PCID2: variants seen among roughly 807,000 people sequenced by gnomAD.
The protein encoded by PCID2 is PCI domain containing 2.
Under a neutral mutation model 61.3 loss-of-function variants are expected in PCID2, and 41 were observed. That is an observed-to-expected ratio of 0.67 (90% CI 0.52 to 0.87). PCID2 has a LOEUF of 0.87. Ranked by LOEUF, PCID2 falls within the 40% of genes least tolerant of loss-of-function variation. The probability of loss-of-function intolerance (pLI) is 0.00; values close to 1 mark genes in which losing one functional copy is unlikely to be tolerated. For synonymous variants in PCID2, 187 were observed against 177.8 expected (o/e 1.05, Z -0.41); for missense variants, 392 against 493.4 (o/e 0.79, Z 1.95).
At chr13:113,170,530 T>C in the PCID2 span, 6 of 1,522,628 alleles carry the variant, frequency 3.9e-6, no homozygotes, top group Non-Finnish European at 5.5e-6. Flanking sequence ...TGTAAAAACA[T>C]GTAAGTATTT....
At chr13:113,196,725 A>T (rs922138848) in intron 4 of PCID2, among the ~76,000 whole-genome samples, 3 of 152,260 alleles carry the variant, frequency 2.0e-5, no homozygotes, top group Admixed American at 6.5e-5. Flanking sequence ...CTCAGGCCGT[A>T]ACTAAAGATA....
chr13:113,170,660 C>A, the PCID2 span: 1 of 675,182 alleles, frequency 1.5e-6, no homozygotes, highest in South Asian at 1.7e-5. Context: ...GTCAATAAAA[C>A]TGAGATACTT....
At chr13:113,192,769 C>T (rs975739312) in intron 6 of PCID2, among the ~76,000 whole-genome samples, 1 of 152,130 alleles carries the variant, frequency 6.6e-6, no homozygotes, top group Non-Finnish European at 1.5e-5. Context: ...GCTCAGTAAG[C>T]TAATATACTC....
chr13:113,175,306 T>C (rs2037169625), downstream of PCID2, among the ~76,000 whole-genome samples: 1 of 152,222 alleles, frequency 6.6e-6, no homozygotes, highest in South Asian at 2.1e-4. Flanking sequence ...TCCAATTACC[T>C]TAAAGTATCA....
rs771027041 is a variant in PCID2, at chr13:113,179,905, G to A, written c.986+12C>T. 2.5e-6 allele frequency: 4 copies of A among 1,608,894 alleles called. No homozygotes were observed. The highest frequency in any genetic ancestry group is 1.3e-5 in the African/African-American group (1 of 74,794). On this transcript the variant is annotated intron_variant, in intron 12 of 13. Coordinates refer to ENST00000337344, the MANE Select transcript of PCID2 (RefSeq NM_001127202.4). The surrounding 1 kb of genome is among the most constrained non-coding windows in gnomAD (Gnocchi z 4.3). Reference sequence around the variant, plus strand: ...CCACACTGGGAGCCCAATGTGCCGGGGAAATGCTTACACTTTCTTAAAGAG... The same window carrying A: ...CCACACTGGGAGCCCAATGTGCCGGAGAAATGCTTACACTTTCTTAAAGAG...
At chr13:113,203,353 A>C (rs2039571022) in intron 1 of PCID2, among the ~76,000 whole-genome samples, 2 of 152,228 alleles carry the variant, frequency 1.3e-5, no homozygotes, top group Admixed American at 1.3e-4. Flanking sequence ...ACATTTTCAA[A>C]GTCACAAATG....
At chr13:113,165,198 T>A in the PCID2 span, 1 of 1,458,686 alleles carries the variant, frequency 6.9e-7, no homozygotes, top group Non-Finnish European at 9.5e-7. Flanking sequence ...ATAGAAATGT[T>A]GACAACTAAG....
intron 9 of PCID2, among the ~76,000 whole-genome samples, chr13:113,183,102 G>A (rs532766230): frequency 1.2e-4 from 19 of 152,196 alleles, no homozygotes; most frequent in African/African-American, 3.9e-4. Context: ...AAATCTCTGC[G>A]AGCTACAAGG....
At chr13:113,176,475 A>T (rs2037187910), downstream of PCID2, among the ~76,000 whole-genome samples, 1 of 152,298 alleles carries the variant, frequency 6.6e-6, no homozygotes, top group Non-Finnish European at 1.5e-5. Flanking sequence ...TTATAAGAGG[A>T]AGAGAGCCGG....
downstream of PCID2, among the ~76,000 whole-genome samples, chr13:113,177,238 A>G (rs9549683): frequency 0.18 from 27,455 of 152,162 alleles, 3,022 homozygotes; most frequent in South Asian, 0.41. Flanking sequence ...CCCGGGTTCA[A>G]GCGATTCTCC....
chr13:113,184,144 G>T, intron 9 of PCID2: 1 of 460,090 alleles, frequency 2.2e-6, no homozygotes, highest in Non-Finnish European at 2.9e-6. Flanking sequence ...ACTCCAGCAT[G>T]CACTTCAGAG....
chr13:113,208,076 C>T (rs1271272824), intron 1 of PCID2: 2 of 1,612,732 alleles, frequency 1.2e-6, no homozygotes, highest in East Asian at 2.2e-5. Flanking sequence ...ATGAAGTGTG[C>T]ATTGTGCTCG....
At chr13:113,201,815 CAAAA>C in intron 1 of PCID2, among the ~76,000 whole-genome samples, 1 of 59,382 alleles carries the variant, frequency 1.7e-5, no homozygotes, top group African/African-American at 6.8e-5. Context: ...GACTCCGTCT[CAAAA>C]AAAAAAAAAA....
intron 9 of PCID2, 92 bp downstream of exon 9, chr13:113,184,254 A>C: frequency 1.7e-6 from 2 of 1,150,590 alleles, no homozygotes; most frequent in Non-Finnish European, 2.6e-6. Context: ...AATAAAATAC[A>C]GTAATTGTGT....
At chr13:113,200,571 G>T in intron 1 of PCID2, 55 bp from the exon 2 acceptor site, 1 of 1,172,506 alleles carries the variant, frequency 8.5e-7, no homozygotes, top group South Asian at 1.2e-5. Flanking sequence ...TGTTCGAATA[G>T]AACCTACAAC....
intron 6 of PCID2, among the ~76,000 whole-genome samples, chr13:113,193,656 T>C (rs2038785258): frequency 6.6e-6 from 1 of 152,242 alleles, no homozygotes; most frequent in Admixed American, 6.5e-5. Flanking sequence ...TTAAAATTTC[T>C]AATACAGTAA....
intron 9 of PCID2, chr13:113,183,867 GAC>G: frequency 1.0e-6 from 1 of 985,416 alleles, no homozygotes; most frequent in Non-Finnish European, 1.2e-6. Context: ...CTGTGGTAGC[GAC>G]ACACTGCACG....
chr13:113,190,502 T>G (rs1295317125), intron 7 of PCID2, among the ~76,000 whole-genome samples: 2 of 151,892 alleles, frequency 1.3e-5, no homozygotes, highest in Admixed American at 1.3e-4. Flanking sequence ...GAACATTTCT[T>G]AAAAAAAATA....
intron 9 of PCID2, among the ~76,000 whole-genome samples, chr13:113,183,293 T>C (rs929458646): frequency 1.3e-5 from 2 of 152,212 alleles, no homozygotes; most frequent in African/African-American, 4.8e-5. Flanking sequence ...GTCGCATCAA[T>C]ATTAATAACA....
Sources: gnomAD v4.1 joint callset for allele counts (sites outside exome capture counted in the v4.1 genomes callset) on GRCh38, gnomAD v4.1.1 for gene constraint, Gnocchi (gnomAD v3.1) non-coding constraint, MANE v1.5 for transcripts, NCBI Gene and HGNC (gene_info 2026-07-23, HGNC 2026-07-21) for gene names.